Variants in DOCK10 observed in about 807,000 individuals in gnomAD.
DOCK10 encodes dedicator of cytokinesis 10, also known as dedicator of cytokinesis protein 10.
DOCK10 carries 145 observed loss-of-function variants against 280.1 expected under a neutral mutation model. The observed-to-expected ratio is 0.52, with a 90% CI of 0.45 to 0.59. DOCK10 has a LOEUF of 0.59. DOCK10 is among the 20% of genes least tolerant of loss of function. DOCK10 has a pLI of 0.00. For missense variants in DOCK10, 2,368 were observed against 2,651.7 expected, an observed-to-expected ratio of 0.89 and a Z score of 2.35; for synonymous variants, 915 against 942.2, an observed-to-expected ratio of 0.97 and a Z score of 0.53.
At chr2:224,933,363 C>T (rs994795226) in intron 1 of DOCK10, among the ~76,000 whole-genome samples, 2 of 152,066 alleles carry the variant, frequency 1.3e-5, no homozygotes, top group Non-Finnish European at 2.9e-5. Context: ...TTTGGTTTGC[C>T]ACCCACATTT....
chr2:224,839,487 G>A (rs1384671259), intron 24 of DOCK10, among the ~76,000 whole-genome samples: 4 of 152,162 alleles, frequency 2.6e-5, no homozygotes, highest in Non-Finnish European at 5.9e-5. Flanking sequence ...TTAAACATAT[G>A]TGGTGCATCC....
chr2:224,886,893 C>CCT (rs1553605476), intron 4 of DOCK10, among the ~76,000 whole-genome samples: 2 of 149,400 alleles, frequency 1.3e-5, no homozygotes, highest in Non-Finnish European at 3.0e-5. Context: ...CCAACACCCC[C>CCT]CCAAGTAGTA....
chr2:225,018,187 T>C (rs1689669309), intron 1 of DOCK10, among the ~76,000 whole-genome samples: 1 of 152,162 alleles, frequency 6.6e-6, no homozygotes, highest in Admixed American at 6.5e-5. Context: ...ATAAGCTTTA[T>C]TATCAACCAT....
intron 15 of DOCK10, among the ~76,000 whole-genome samples, chr2:224,855,804 A>G (rs1697089929): frequency 6.6e-6 from 1 of 152,260 alleles, no homozygotes; most frequent in Non-Finnish European, 1.5e-5. Flanking sequence ...TGAGAGCTGA[A>G]TGTTCAATTT....
chr2:224,927,157 C>T (rs367944810), intron 2 of DOCK10, among the ~76,000 whole-genome samples: 1 of 151,988 alleles, frequency 6.6e-6, no homozygotes, highest in Non-Finnish European at 1.5e-5. Context: ...ACCAGCTATA[C>T]AGAGAGTGTA....
intron 3 of DOCK10, among the ~76,000 whole-genome samples, chr2:224,911,867 T>C (rs1403840535): frequency 6.6e-6 from 1 of 152,184 alleles, no homozygotes; most frequent in African/African-American, 2.4e-5. Context: ...AAACAACTGA[T>C]AATGGACTAT....
chr2:224,768,024 C>T (rs567130319), intron 55 of DOCK10, among the ~76,000 whole-genome samples: 1 of 151,934 alleles, frequency 6.6e-6, no homozygotes, highest in Non-Finnish European at 1.5e-5. Flanking sequence ...AGCGATTCTC[C>T]TGCTTCAGCC....
chr2:225,042,384 C>G lies in DOCK10; in HGVS notation c.-10G>C. 1.6e-6 allele frequency: 2 copies of G among 1,243,350 alleles called. No individual in the cohort carries two copies. Among genetic ancestry groups the G allele is most frequent in the Admixed American group, 8.5e-5 (2 of 23,488 alleles). 77.0% of individuals were successfully genotyped at this position (1,243,350 alleles called of 1,614,324 possible). ...TCCGCTCACCGGCCATCGCCGGTCA[C>G]GCCAATCGCGCCGCGGGCCCGGGGC... On this transcript the variant is annotated 5_prime_UTR_variant, in exon 1 of 56. Transcript: ENST00000258390. This position sits in a 1 kb window ranked among gnomAD's most constrained non-coding sequence, Gnocchi z 5.1.
intron 3 of DOCK10, among the ~76,000 whole-genome samples, chr2:224,902,967 A>C (rs896039492): frequency 6.1e-4 from 93 of 151,904 alleles, no homozygotes; most frequent in Non-Finnish European, 8.5e-4. Flanking sequence ...TTGTGGTGGC[A>C]GGCGCCTGTA....
intron 1 of DOCK10, among the ~76,000 whole-genome samples, chr2:225,001,296 T>G (rs1393023810): frequency 2.0e-5 from 3 of 150,120 alleles, no homozygotes; most frequent in East Asian, 3.9e-4. Flanking sequence ...GACCTTTTTT[T>G]TTTTTTTTTT....
Position 224,886,893 on chromosome 2 carries a change from C to CCCG in DOCK10, c.417-363_417-362insCGG, listed in dbSNP as rs550630549. On this transcript the variant is annotated intron_variant, in intron 4 of 55. Coordinates refer to ENST00000258390, the MANE Select transcript of DOCK10 (RefSeq NM_014689.3). ...CTGCATGCAGCACCCCCAACACCCC[C>CCCG]CCAAGTAGTACCTGGGATTACAGGC... Among the ~76,000 whole-genome samples, 4 of 149,400 alleles carry CCCG rather than the reference C, an allele frequency of 2.7e-5. 1 individual carries two copies. The highest frequency in any genetic ancestry group is 1.0e-4 in the African/African-American group (4 of 39,914).
intron 47 of DOCK10, among the ~76,000 whole-genome samples, chr2:224,790,924 A>T (rs1341290193): frequency 6.6e-6 from 1 of 152,226 alleles, no homozygotes; most frequent in African/African-American, 2.4e-5. Context: ...ATATGCTAAT[A>T]TATCATAGCA....
chr2:225,014,220 T>C (rs898577469), intron 1 of DOCK10, among the ~76,000 whole-genome samples: 1 of 151,808 alleles, frequency 6.6e-6, no homozygotes, highest in African/African-American at 2.4e-5. Context: ...GAATTTTTGA[T>C]GATATCATCT....
At chr2:224,905,779 T>C (rs560629894) in intron 3 of DOCK10, among the ~76,000 whole-genome samples, 1 of 152,134 alleles carries the variant, frequency 6.6e-6, no homozygotes, top group Non-Finnish European at 1.5e-5. Context: ...TATCTCCTTG[T>C]TCCCCGCTTT....
chr2:224,863,917 C>G (rs1229324272), intron 13 of DOCK10, among the ~76,000 whole-genome samples: 1 of 152,154 alleles, frequency 6.6e-6, no homozygotes, highest in Non-Finnish European at 1.5e-5. Flanking sequence ...AATTATTTAT[C>G]TCACTTTGTT....
intron 1 of DOCK10, among the ~76,000 whole-genome samples, chr2:224,967,578 G>A (rs1268338743): frequency 6.6e-6 from 1 of 152,152 alleles, no homozygotes; most frequent in Non-Finnish European, 1.5e-5. Flanking sequence ...ATAATAGCCA[G>A]TACAATAGGC....
intron 50 of DOCK10, among the ~76,000 whole-genome samples, chr2:224,779,430 G>A (rs923544166): frequency 6.6e-6 from 1 of 151,992 alleles, no homozygotes; most frequent in African/African-American, 2.4e-5. Flanking sequence ...TGGCCAGGCT[G>A]GTCTCAAACT....
rs561575069 is a variant in DOCK10 at position 224,977,667 on chromosome 2, T to C, written c.124-45999A>G. On this transcript the variant is annotated intron_variant, in intron 1 of 55. Coordinates refer to ENST00000258390, the MANE Select transcript of DOCK10 (RefSeq NM_014689.3). ...TTAAAGCTTTAAAGGAATTTCTTCATTTTTTCCCCGTTAAACTTGACTGCA... is the reference window on the plus strand; with the variant it reads ...TTAAAGCTTTAAAGGAATTTCTTCACTTTTTCCCCGTTAAACTTGACTGCA... Among the ~76,000 whole-genome samples the C allele has an allele frequency of 8.5e-5, 13 of 152,346 alleles. No homozygotes were observed. In the East Asian group the frequency reaches 2.3e-3, roughly 27 times the overall value.
rs1018712131 is a variant in DOCK10, at chr2:224,774,923, G to A, written c.5995C>T (p.Arg1999Trp). ...KHGGVAEQCKRRTILTTSHLF... is the reference protein window; with the variant it reads ...KHGGVAEQCKWRTILTTSHLF... ...CACCTACTTGTCAGGATCGTCCGCC[G>A]CTTGCACTGCTCCGCCACCCCACCG... The change falls in exon 52 of 56, where the codon CGG (arginine) becomes TGG (tryptophan). Residue 1999 changes from arginine (R) to tryptophan (W), a missense_variant. Arg to Trp is a moderately radical substitution (Grantham distance 101). Around this residue, in one of 2 missense-constraint regions of DOCK10, gnomAD observed 1,159 missense variants for 1,400.8 expected, o/e 0.83. Coordinates refer to ENST00000258390, the MANE Select transcript of DOCK10 (RefSeq NM_014689.3). The A allele has an allele frequency of 1.7e-5, 27 of 1,599,802 alleles. No homozygotes were observed. Among genetic ancestry groups the A allele is most frequent in the Non-Finnish European group, 2.0e-5 (24 of 1,172,768 alleles).
Sources: allele counts gnomAD v4.1 joint callset (sites outside exome capture counted in the v4.1 genomes callset), GRCh38; gene constraint gnomAD v4.1.1; regional missense constraint gnomAD v4.1.1; non-coding constraint Gnocchi (gnomAD v3.1); transcripts MANE v1.5; gene names NCBI Gene and HGNC (gene_info 2026-07-23, HGNC 2026-07-21).